Variants in FGFR1 observed in about 807,000 individuals in gnomAD.
FGFR1 encodes the protein fibroblast growth factor receptor 1.
FGFR1 carries 18 observed loss-of-function variants against 93.7 expected under a neutral mutation model. That is an observed-to-expected ratio of 0.19 (90% confidence interval 0.13 to 0.28). The LOEUF (loss-of-function observed/expected upper bound fraction) is 0.28. FGFR1 is among the 10% of genes least tolerant of loss of function. The pLI, the probability that FGFR1 is intolerant of heterozygous loss-of-function variation, is 1.00. For synonymous variants in FGFR1, 448 were observed against 429.3 expected (o/e 1.04, Z -0.54); for missense variants, 731 against 1,080.4 (o/e 0.68, Z 4.53).
At chr8:38,442,328 TAAGA>T (rs1399610666) in intron 2 of FGFR1, among the ~76,000 whole-genome samples, 3 of 151,446 alleles carry the variant, frequency 2.0e-5, no homozygotes, top group Non-Finnish European at 2.9e-5. Context: ...TGACAGTGCA[TAAGA>T]AAGAACATCT....
chr8:38,445,240 T>C (rs897585267), intron 2 of FGFR1, among the ~76,000 whole-genome samples: 4 of 152,182 alleles, frequency 2.6e-5, no homozygotes, highest in African/African-American at 9.7e-5. Flanking sequence ...AAAACGATTC[T>C]GTGTTGGTCT....
rs866252086 is a variant in FGFR1 at position 38,421,837 on chromosome 8, G to A, written c.1041C>T (p.Ile347=). The A allele has an allele frequency of 1.9e-6, 3 of 1,614,102 alleles. No individual in the cohort carries two copies. The highest frequency in any genetic ancestry group is 1.7e-5 in the Admixed American group (1 of 60,022). The change falls in exon 8 of 18, where the codon ATC becomes ATT. Residue 347 remains isoleucine (I), a synonymous_variant. Transcript: ENST00000447712. Reference sequence around the variant, plus strand: ...ACCATGCAGAGTGATGGGAGAGTCCGATAGAGTTACCCGCCAAGCACGTAT... The same window carrying A: ...ACCATGCAGAGTGATGGGAGAGTCCAATAGAGTTACCCGCCAAGCACGTAT... The part of the protein sequence containing the change: ...GEYTCLAGNS[I]GLSHHSAWLT...
In FGFR1 at chr8:38,425,915, C is replaced by A; in HGVS notation, c.745+207G>T. On this transcript the variant is annotated intron_variant, in intron 6 of 17. Transcript: ENST00000447712. ...ATTTCACAGTGACAACCAGCTTTGACCGTGTTACTGTCTGATCTTAACTCT... is the reference window on the plus strand; with the variant it reads ...ATTTCACAGTGACAACCAGCTTTGAACGTGTTACTGTCTGATCTTAACTCT... 4 of 647,952 alleles carry A rather than the reference C, an allele frequency of 6.2e-6. 1 individual carries two copies. In the South Asian group the frequency reaches 7.0e-5, roughly 11 times the overall value. The allele number at this position is 647,952 out of a possible 1,614,324, so 40.1% of individuals were successfully genotyped here.
At chr8:38,443,038 A>G (rs1828044992) in intron 2 of FGFR1, among the ~76,000 whole-genome samples, 1 of 152,252 alleles carries the variant, frequency 6.6e-6, no homozygotes, top group African/African-American at 2.4e-5. Context: ...ACTAAAGACA[A>G]TAAAACATCC....
intron 9 of FGFR1, among the ~76,000 whole-genome samples, chr8:38,419,138 C>T (rs1278095022): frequency 2.6e-5 from 4 of 152,186 alleles, no homozygotes; most frequent in Non-Finnish European, 5.9e-5. Context: ...TTGTAAATTG[C>T]CCGGTCTTGG....
chr8:38,465,520 A>G, intron 1 of FGFR1: 1 of 229,508 alleles, frequency 4.4e-6, no homozygotes, highest in Non-Finnish European at 8.6e-6. Flanking sequence ...CCGGTCCCCA[A>G]ACACCCTGCA....
intron 2 of FGFR1, among the ~76,000 whole-genome samples, chr8:38,456,751 T>C (rs1295015069): frequency 6.6e-6 from 1 of 152,148 alleles, no homozygotes; most frequent in Non-Finnish European, 1.5e-5. Flanking sequence ...CCTTTTTTTT[T>C]GTAGAGATGG....
chr8:38,412,614 A>C lies in FGFR1; in HGVS notation c.*1014T>G, dbSNP rs976088211. The C allele has an allele frequency of 4.7e-5, 11 of 233,522 alleles. No individual in the cohort carries two copies. Among genetic ancestry groups the C allele is most frequent in the Non-Finnish European group, 8.5e-5 (10 of 118,026 alleles). The allele number at this position is 233,522 out of a possible 1,614,324, so 14.5% of individuals were successfully genotyped here. The stretch of plus-strand genomic sequence containing the variant: ...GCAGGACCTAGGAAGAAGAGGTTAC[A>C]AGGAACCTGCGCCGGGAGCATGCGG... On this transcript the variant is annotated 3_prime_UTR_variant, in exon 18 of 18. Coordinates refer to ENST00000447712, the MANE Select transcript of FGFR1 (RefSeq NM_023110.3).
At chr8:38,444,630 G>A (rs1828735700) in intron 2 of FGFR1, among the ~76,000 whole-genome samples, 1 of 149,970 alleles carries the variant, frequency 6.7e-6, no homozygotes, top group Non-Finnish European at 1.5e-5. Flanking sequence ...GACGTCAGGT[G>A]ATCCACCTGC....
intron 2 of FGFR1, among the ~76,000 whole-genome samples, chr8:38,449,088 C>T (rs1830275650): frequency 6.7e-6 from 1 of 149,664 alleles, no homozygotes; most frequent in Non-Finnish European, 1.5e-5. Context: ...GGCAACAGAG[C>T]GAGACTAGGT....
In FGFR1 at chr8:38,416,212, A is replaced by C. The variant is rs113389616; in HGVS notation, c.1664-152T>G. On this transcript the variant is annotated intron_variant, in intron 12 of 17. Coordinates refer to ENST00000447712, the MANE Select transcript of FGFR1 (RefSeq NM_023110.3). ...ACCTGGGAAATCCATTCTACTACCC[A>C]AAAAAAATCAGAGAAATAATTACTC... The C allele has an allele frequency of 4.8e-3, 3,248 of 677,220 alleles. 14 individuals carry two copies. The highest frequency in any genetic ancestry group is 0.013 in the Middle Eastern group (32 of 2,546). The allele number at this position is 677,220 out of a possible 1,614,324, so 42.0% of individuals were successfully genotyped here.
chr8:38,415,764 C>T lies in FGFR1; in HGVS notation c.1854+106G>A, dbSNP rs191980629. Reference sequence around the variant, plus strand: ...ACACAGGGCACACAGGGCCAGTGCTCAGTGCATCCACAACGCCACCACAAG... The same window carrying T: ...ACACAGGGCACACAGGGCCAGTGCTTAGTGCATCCACAACGCCACCACAAG... On this transcript the variant is annotated intron_variant, in intron 13 of 17. Transcript: ENST00000447712. 1.7e-4 allele frequency: 192 copies of T among 1,099,070 alleles called. No individual in the cohort carries two copies. In the African/African-American group the frequency reaches 2.6e-3, roughly 15 times the overall value. The allele number at this position is 1,099,070 out of a possible 1,614,324, so 68.1% of individuals were successfully genotyped here. A position where few individuals can be genotyped will look rare whatever the true frequency, so the allele number is the denominator to read the frequency against.
intron 8 of FGFR1, among the ~76,000 whole-genome samples, chr8:38,421,038 A>C (rs1818581136): frequency 6.6e-6 from 1 of 152,080 alleles, no homozygotes; most frequent in South Asian, 2.1e-4. Flanking sequence ...GTGGGAAAGG[A>C]GGGGAGAGAG....
At chr8:38,454,450 A>G (rs952516893) in intron 2 of FGFR1, among the ~76,000 whole-genome samples, 1 of 151,954 alleles carries the variant, frequency 6.6e-6, no homozygotes, top group African/African-American at 2.4e-5. Context: ...TCCCACTCTG[A>G]CTCACTCCCT....
chr8:38,443,498 A>C (rs937919931), intron 2 of FGFR1, among the ~76,000 whole-genome samples: 18 of 46,866 alleles, frequency 3.8e-4, no homozygotes, highest in Non-Finnish European at 7.1e-4. Flanking sequence ...CATCTCTACA[A>C]AAAAAAAAAA....
chr8:38,457,912 G>A (rs933329836), intron 1 of FGFR1, among the ~76,000 whole-genome samples: 1 of 152,186 alleles, frequency 6.6e-6, no homozygotes, highest in Admixed American at 6.5e-5. Flanking sequence ...GAATCCAGGA[G>A]GCGAAGGATG....
chr8:38,451,698 T>C (rs1247617747), intron 2 of FGFR1, among the ~76,000 whole-genome samples: 4 of 152,270 alleles, frequency 2.6e-5, no homozygotes, highest in Admixed American at 2.0e-4. Context: ...TGGGAGGAGC[T>C]GTAAAACTCA....
chr8:38,449,041 G>A (rs1484755162), intron 2 of FGFR1, among the ~76,000 whole-genome samples: 1 of 152,046 alleles, frequency 6.6e-6, no homozygotes, highest in Admixed American at 6.6e-5. Context: ...GGTCGAGGCT[G>A]CAGTGAGCCA....
At chr8:38,414,128 C>A (rs2150529018) in intron 16 of FGFR1, 24 bp downstream of exon 16, 1 of 1,614,186 alleles carries the variant, frequency 6.2e-7, no homozygotes, top group Non-Finnish European at 8.5e-7. Flanking sequence ...TGGCTCAGGG[C>A]CTCCGACATC....
Sources: allele counts gnomAD v4.1 joint callset (sites outside exome capture counted in the v4.1 genomes callset), GRCh38; gene constraint gnomAD v4.1.1; transcripts MANE v1.5; gene names NCBI Gene and HGNC (gene_info 2026-07-23, HGNC 2026-07-21).